Variants in CHLSN observed in about 807,000 individuals in gnomAD.
CHLSN encodes the protein protein cholesin.
the CHLSN span, among the ~76,000 whole-genome samples, chr7:1,016,223 AC>A: frequency 3.9e-5 from 2 of 51,372 alleles, no homozygotes; most frequent in Non-Finnish European, 6.9e-5. Flanking sequence ...ACAGCAGCAC[AC>A]GCCAGCACAC....
chr7:1,029,055 C>T, the CHLSN span: 13,646 of 152,148 alleles, frequency 0.09, 1,976 homozygotes, highest in African/African-American at 0.31. Flanking sequence ...TTTTCCTCAC[C>T]ACACAGAGGG....
At chr7:1,062,465 C>T in the CHLSN span, among the ~76,000 whole-genome samples, 2 of 152,240 alleles carry the variant, frequency 1.3e-5, no homozygotes, top group African/African-American at 4.8e-5. Context: ...AGTGGTTCCA[C>T]TTCACACACG....
At chr7:1,075,604 G>A in the CHLSN span, among the ~76,000 whole-genome samples, 5 of 131,920 alleles carry the variant, frequency 3.8e-5, no homozygotes, top group South Asian at 1.0e-3. Context: ...AACAAATCGG[G>A]TCACTTTTTT....
chr7:1,131,050 G>A, the CHLSN span, among the ~76,000 whole-genome samples: 768 of 152,130 alleles, frequency 5.0e-3, 6 homozygotes, highest in African/African-American at 0.017. Flanking sequence ...AATTGGCTAC[G>A]CTTGGTGGTG....
At chr7:1,124,743 C>CAA in the CHLSN span, among the ~76,000 whole-genome samples, 2 of 137,816 alleles carry the variant, frequency 1.5e-5, no homozygotes, top group East Asian at 2.1e-4. Flanking sequence ...TTTAAAAAAG[C>CAA]ACAAAAAAAA....
At chr7:1,041,129 G>C in the CHLSN span, among the ~76,000 whole-genome samples, 4 of 136,464 alleles carry the variant, frequency 2.9e-5, no homozygotes, top group Non-Finnish European at 6.8e-5. Flanking sequence ...GGAATGGAGA[G>C]ACTGCAGGAG....
At chr7:978,673 A>C in the CHLSN span, among the ~76,000 whole-genome samples, 1 of 152,250 alleles carries the variant, frequency 6.6e-6, no homozygotes, top group Non-Finnish European at 1.5e-5. Flanking sequence ...GAATGAATCC[A>C]GCTAAGTAGG....
chr7:1,013,503 G>A, the CHLSN span, among the ~76,000 whole-genome samples: 1,226 of 152,340 alleles, frequency 8.0e-3, 14 homozygotes, highest in African/African-American at 0.028. Context: ...CCAGGATTCT[G>A]GGAAGGGGCA....
At chr7:1,021,409 A>C in the CHLSN span, 1 of 985,472 alleles carries the variant, frequency 1.0e-6, no homozygotes, top group Non-Finnish European at 1.2e-6. Context: ...CAGAGTCGGA[A>C]GCTGAAGGGC....
chr7:988,484 C>T, the CHLSN span: 1 of 1,602,186 alleles, frequency 6.2e-7, no homozygotes, highest in Non-Finnish European at 8.5e-7. Context: ...ACGGCCCCAG[C>T]TCCGCCTGCC....
At chr7:1,036,081 G>A in the CHLSN span, among the ~76,000 whole-genome samples, 944 of 152,326 alleles carry the variant, frequency 6.2e-3, 13 homozygotes, top group African/African-American at 0.021. Flanking sequence ...AGCCAGGAAA[G>A]GGTTCCGTGG....
the CHLSN span, among the ~76,000 whole-genome samples, chr7:1,136,531 CATAT>C: frequency 2.2e-4 from 27 of 125,432 alleles, 5 homozygotes; most frequent in African/African-American, 7.7e-4. Flanking sequence ...TATATATAAA[CATAT>C]ATATGAACAT....
the CHLSN span, among the ~76,000 whole-genome samples, chr7:1,133,469 G>A: frequency 1.4e-4 from 21 of 151,070 alleles, no homozygotes; most frequent in Admixed American, 5.3e-4. Context: ...ACCCAAGTGC[G>A]GCCAGGCACG....
the CHLSN span, chr7:1,055,595 G>C: frequency 1.1e-5 from 4 of 374,634 alleles, no homozygotes; most frequent in African/African-American, 4.2e-5. Flanking sequence ...GAGAGAGGAC[G>C]CAGGGGGTTC....
chr7:986,157 C>T, the CHLSN span, among the ~76,000 whole-genome samples: 7 of 152,296 alleles, frequency 4.6e-5, no homozygotes, highest in South Asian at 4.1e-4. Context: ...CGATCGCGGA[C>T]GCCCCAGGAA....
the CHLSN span, chr7:983,264 T>C: frequency 6.5e-7 from 1 of 1,542,300 alleles, no homozygotes; most frequent in Non-Finnish European, 8.7e-7. Context: ...TGGGGGCTGC[T>C]CTGCGCCTGC....
the CHLSN span, chr7:1,028,658 G>T: frequency 1.9e-6 from 1 of 528,300 alleles, no homozygotes; most frequent in Non-Finnish European, 2.2e-6. Flanking sequence ...CCCCCACCCA[G>T]CCCCTATCGT....
chr7:1,059,596 A>G, the CHLSN span, among the ~76,000 whole-genome samples: 1 of 51,812 alleles, frequency 1.9e-5, no homozygotes, highest in African/African-American at 7.3e-5. Flanking sequence ...GCGGGTCCCG[A>G]GTGGGGCGGG....
At chr7:1,070,791 G>A in the CHLSN span, among the ~76,000 whole-genome samples, 745 of 133,332 alleles carry the variant, frequency 5.6e-3, 3 homozygotes, top group Middle Eastern at 0.029. Context: ...ACACGGACAC[G>A]CACGTGCACA....
Sources: allele counts gnomAD v4.1 joint callset (sites outside exome capture counted in the v4.1 genomes callset), GRCh38; gene constraint gnomAD v4.1.1; transcripts MANE v1.5; gene names NCBI Gene and HGNC (gene_info 2026-07-23, HGNC 2026-07-21).